GRM7: variants seen among roughly 807,000 people sequenced by gnomAD.
GRM7 encodes glutamate metabotropic receptor 7.
GRM7 carries 35 observed loss-of-function variants against 84.5 expected under a neutral mutation model. That is an observed-to-expected ratio of 0.41 (90% CI 0.32 to 0.55). The LOEUF (loss-of-function observed/expected upper bound fraction) is 0.55. Ranked by LOEUF, GRM7 falls within the 20% of genes least tolerant of loss-of-function variation. GRM7 has a pLI of 0.19. For synonymous variants in GRM7, 487 were observed against 455.1 expected (o/e 1.07, Z -0.89); for missense variants, 1,003 against 1,194.6 (o/e 0.84, Z 2.36).
intron 2 of GRM7, among the ~76,000 whole-genome samples, chr3:7,267,265 T>C (rs1194909788): frequency 3.3e-5 from 5 of 152,244 alleles, no homozygotes; most frequent in African/African-American, 1.2e-4. Context: ...TCACTGTCTT[T>C]GGTTTGCAAG....
chr3:7,414,818 C>T (rs1696092760), intron 4 of GRM7, among the ~76,000 whole-genome samples: 1 of 151,902 alleles, frequency 6.6e-6, no homozygotes, highest in Admixed American at 6.6e-5. Flanking sequence ...TAACTACCTA[C>T]CTGTCAGATT....
At chr3:7,365,196 T>A (rs1306016187) in intron 4 of GRM7, among the ~76,000 whole-genome samples, 5 of 151,810 alleles carry the variant, frequency 3.3e-5, no homozygotes, top group African/African-American at 7.2e-5. Context: ...TCTTTCTGAT[T>A]GTTTAAGGCA....
At chr3:7,512,336 T>C (rs900895284) in intron 7 of GRM7, among the ~76,000 whole-genome samples, 1 of 152,170 alleles carries the variant, frequency 6.6e-6, no homozygotes, top group Non-Finnish European at 1.5e-5. Context: ...ATTTTTTAAG[T>C]GAAGTGTAAT....
At chr3:7,381,590 C>T (rs532231948) in intron 4 of GRM7, among the ~76,000 whole-genome samples, 2 of 152,030 alleles carry the variant, frequency 1.3e-5, no homozygotes, top group Non-Finnish European at 2.9e-5. Context: ...ATCCAAAGAG[C>T]CGCCTGACCG....
chr3:7,386,369 G>A (rs12488443), intron 4 of GRM7, among the ~76,000 whole-genome samples: 5,494 of 152,110 alleles, frequency 0.036, 107 homozygotes, highest in Middle Eastern at 0.068. Flanking sequence ...TGTACCTGTC[G>A]CCAAAGTAGC....
chr3:7,535,959 C>T (rs1374567264), intron 7 of GRM7, among the ~76,000 whole-genome samples: 2 of 152,180 alleles, frequency 1.3e-5, no homozygotes, highest in African/African-American at 2.4e-5. Flanking sequence ...CTTCAAAACA[C>T]CTACATGTGG....
chr3:6,866,864 G>A (rs981303355), intron 1 of GRM7, among the ~76,000 whole-genome samples: 16 of 152,146 alleles, frequency 1.1e-4, no homozygotes, highest in African/African-American at 3.9e-4. Context: ...CCTCATCCAG[G>A]CCAATTAGAA....
chr3:7,365,987 T>A (rs1693874495), intron 4 of GRM7, among the ~76,000 whole-genome samples: 1 of 151,684 alleles, frequency 6.6e-6, no homozygotes, highest in Admixed American at 6.6e-5. Flanking sequence ...TCCCATACTA[T>A]ACTAATAAAG....
intron 1 of GRM7, among the ~76,000 whole-genome samples, chr3:6,876,267 CA>C (rs1038749876): frequency 2.2e-3 from 304 of 138,992 alleles, no homozygotes; most frequent in Middle Eastern, 3.7e-3. Context: ...GGCTCCATCT[CA>C]AAAAAAAAAA....
chr3:7,591,992 C>T (rs1695803346), intron 8 of GRM7, among the ~76,000 whole-genome samples: 1 of 152,034 alleles, frequency 6.6e-6, no homozygotes, highest in Non-Finnish European at 1.5e-5. Flanking sequence ...GTTTCAGTTT[C>T]CTTGTTTATA....
chr3:6,863,680 T>C lies in GRM7; in HGVS notation c.519+1773T>C, dbSNP rs890829755. Reference sequence around the variant, plus strand: ...GAGCTTAAAGCTAGACAAGTTGAGGTAGCAGTGCAGCGGGAGAGGATGAGG... The same window carrying C: ...GAGCTTAAAGCTAGACAAGTTGAGGCAGCAGTGCAGCGGGAGAGGATGAGG... On this transcript the variant is annotated intron_variant, in intron 1 of 9. Coordinates refer to ENST00000357716, the MANE Select transcript of GRM7 (RefSeq NM_000844.4). The surrounding 1 kb of genome is among the most constrained non-coding windows in gnomAD (Gnocchi z 4.8). Among the ~76,000 whole-genome samples, 5 of 152,098 alleles carry C rather than the reference T, an allele frequency of 3.3e-5. No individual in the cohort carries two copies. Among genetic ancestry groups the C allele is most frequent in the Non-Finnish European group, 7.4e-5 (5 of 68,010 alleles).
chr3:7,480,841 A>G (rs1250307848), intron 7 of GRM7, among the ~76,000 whole-genome samples: 2 of 152,214 alleles, frequency 1.3e-5, no homozygotes, highest in Non-Finnish European at 1.5e-5. Context: ...CCTCGTTCAG[A>G]TGAGTTGTGG....
At chr3:7,471,060 A>T (rs1698680658) in intron 7 of GRM7, among the ~76,000 whole-genome samples, 1 of 151,708 alleles carries the variant, frequency 6.6e-6, no homozygotes, top group Admixed American at 6.6e-5. Context: ...TTCTTTATTT[A>T]AAAAAAGTAA....
At chr3:7,603,620 T>C (rs1575544735) in intron 8 of GRM7, among the ~76,000 whole-genome samples, 3 of 152,304 alleles carry the variant, frequency 2.0e-5, no homozygotes, top group East Asian at 1.9e-4. Context: ...GTATGACTTA[T>C]GTACTTATTT....
intron 5 of GRM7, among the ~76,000 whole-genome samples, chr3:7,439,680 A>T (rs1559323044): frequency 1.3e-5 from 2 of 152,194 alleles, no homozygotes; most frequent in African/African-American, 4.8e-5. Flanking sequence ...TGCAAGTGGC[A>T]TTGGGAAGTA....
chr3:6,990,485 A>G (rs1056461151), intron 1 of GRM7, among the ~76,000 whole-genome samples: 1 of 152,194 alleles, frequency 6.6e-6, no homozygotes, highest in Non-Finnish European at 1.5e-5. Flanking sequence ...TTAGCAAATC[A>G]TCAGGCATCC....
chr3:7,233,842 C>T (rs893203963), intron 2 of GRM7, among the ~76,000 whole-genome samples: 6 of 152,066 alleles, frequency 3.9e-5, no homozygotes, highest in African/African-American at 1.4e-4. Flanking sequence ...CTGATCCTTC[C>T]CCTCCCCAAC....
chr3:7,488,025 G>C (rs1300022301), intron 7 of GRM7, among the ~76,000 whole-genome samples: 1 of 152,224 alleles, frequency 6.6e-6, no homozygotes, highest in African/African-American at 2.4e-5. Context: ...GGCACATGGA[G>C]TGAAAGATTA....
At chr3:7,443,819 A>T (rs942391938) in intron 5 of GRM7, among the ~76,000 whole-genome samples, 2 of 152,170 alleles carry the variant, frequency 1.3e-5, no homozygotes, top group Non-Finnish European at 2.9e-5. Context: ...TAGAAGAGGG[A>T]CTATTCTAGG....
Sources: gnomAD v4.1 joint callset for allele counts (sites outside exome capture counted in the v4.1 genomes callset) on GRCh38, gnomAD v4.1.1 for gene constraint, Gnocchi (gnomAD v3.1) non-coding constraint, MANE v1.5 for transcripts, NCBI Gene and HGNC (gene_info 2026-07-23, HGNC 2026-07-21) for gene names.